The following SBF2 variants were observed in gnomAD, a reference collection of about 807,000 sequenced individuals.
The protein encoded by SBF2 is SET binding factor 2, also known as myotubularin-related protein 13.
A neutral mutation model predicts 225.2 loss-of-function variants in SBF2; 112 were observed. The ratio of observed to expected loss-of-function variants is 0.50; its 90% confidence interval spans 0.43 to 0.58. The LOEUF (loss-of-function observed/expected upper bound fraction) is 0.58, where lower values mean the gene tolerates loss of function less well. SBF2 is among the 20% of genes least tolerant of loss of function. The pLI, the probability that SBF2 is intolerant of heterozygous loss-of-function variation, is 0.00. For synonymous variants in SBF2, 763 were observed against 773.3 expected (o/e 0.99, Z 0.22); for missense variants, 1,996 against 2,206.2 (o/e 0.90, Z 1.91).
intron 6 of SBF2, among the ~76,000 whole-genome samples, chr11:10,026,138 C>G (rs555873205): frequency 6.6e-6 from 1 of 151,402 alleles, no homozygotes; most frequent in African/African-American, 2.4e-5. Flanking sequence ...TGGTCCTTGA[C>G]GCTAAATGCT....
chr11:9,916,933 T>A (rs932595985), intron 16 of SBF2, among the ~76,000 whole-genome samples: 4 of 148,912 alleles, frequency 2.7e-5, no homozygotes, highest in African/African-American at 1.0e-4. Context: ...AGTCAGAAGA[T>A]CAACAGCCTC....
At chr11:9,994,556 A>T (rs888304275) in intron 9 of SBF2, among the ~76,000 whole-genome samples, 2 of 149,374 alleles carry the variant, frequency 1.3e-5, no homozygotes, top group African/African-American at 2.4e-5. Context: ...AAACAAAATA[A>T]ACCCTAAATC....
chr11:10,280,648 ACTT>A (rs1963344048), intron 1 of SBF2, among the ~76,000 whole-genome samples: 2 of 152,222 alleles, frequency 1.3e-5, no homozygotes, highest in Admixed American at 6.5e-5. Flanking sequence ...TGCTGCCTCT[ACTT>A]CTTATTCTTT....
At chr11:10,226,791 C>T (rs1958581694) in intron 1 of SBF2, among the ~76,000 whole-genome samples, 1 of 152,254 alleles carries the variant, frequency 6.6e-6, no homozygotes, top group African/African-American at 2.4e-5. Flanking sequence ...AATAAACATA[C>T]ATGTGCATGT....
chr11:9,871,657 A>C (rs967460190), intron 17 of SBF2, among the ~76,000 whole-genome samples: 1 of 151,824 alleles, frequency 6.6e-6, no homozygotes. Context: ...ATGCTCAGCT[A>C]ATTTATTGTA....
chr11:9,915,674 A>C (rs1169552005), intron 16 of SBF2: 1 of 152,166 alleles, frequency 6.6e-6, no homozygotes, highest in East Asian at 1.9e-4. Flanking sequence ...AATCTGTCAT[A>C]TTTAGAAAGG....
chr11:10,294,579 T>C (rs1964411599), upstream of SBF2, among the ~76,000 whole-genome samples: 2 of 152,226 alleles, frequency 1.3e-5, no homozygotes, highest in Admixed American at 1.3e-4. Context: ...CCACCAAAGA[T>C]GAAATTCTCC....
At chr11:9,788,761 ATTT>A (rs148717661) in intron 35 of SBF2, among the ~76,000 whole-genome samples, 2 of 134,828 alleles carry the variant, frequency 1.5e-5, no homozygotes, top group African/African-American at 5.6e-5. Flanking sequence ...CGCCCGGCTA[ATTT>A]TTTTTTTTTT....
intron 16 of SBF2, among the ~76,000 whole-genome samples, chr11:9,924,497 T>A (rs1267842580): frequency 6.6e-6 from 1 of 152,062 alleles, no homozygotes; most frequent in African/African-American, 2.4e-5. Flanking sequence ...AATGGCGTGA[T>A]CTCCGCTCAC....
At chr11:9,946,464 T>G (rs1865569974) in intron 16 of SBF2, among the ~76,000 whole-genome samples, 1 of 151,816 alleles carries the variant, frequency 6.6e-6, no homozygotes, top group African/African-American at 2.4e-5. Flanking sequence ...TTTTTTTTTT[T>G]TTTGAGATGG....
chr11:10,249,126 T>A (rs1960088813), intron 1 of SBF2, among the ~76,000 whole-genome samples: 1 of 151,746 alleles, frequency 6.6e-6, no homozygotes, highest in Admixed American at 6.6e-5. Context: ...AAATTCTATG[T>A]GTGAAAATAT....
intron 2 of SBF2, among the ~76,000 whole-genome samples, chr11:10,134,062 G>A (rs543528443): frequency 3.9e-5 from 6 of 152,316 alleles, no homozygotes; most frequent in East Asian, 3.9e-4. Flanking sequence ...AAAGAAAGGC[G>A]TTTAATAGAC....
At chr11:10,138,751 C>A (rs1954504052) in intron 2 of SBF2, among the ~76,000 whole-genome samples, 1 of 151,940 alleles carries the variant, frequency 6.6e-6, no homozygotes, top group Admixed American at 6.6e-5. Flanking sequence ...ATTTTCTTTC[C>A]ATTATGGATA....
chr11:10,232,277 T>G (rs2099714496), intron 1 of SBF2, among the ~76,000 whole-genome samples: 1 of 152,264 alleles, frequency 6.6e-6, no homozygotes. Context: ...TGCCTCGTGC[T>G]GCTTCAGCTC....
chr11:10,275,764 T>C (rs1962910831), intron 1 of SBF2, among the ~76,000 whole-genome samples: 4 of 152,020 alleles, frequency 2.6e-5, no homozygotes, highest in Admixed American at 2.6e-4. Context: ...TCAAAATAAA[T>C]ATTTTAACAA....
upstream of SBF2, among the ~76,000 whole-genome samples, chr11:10,295,587 C>CAA (rs397938160): frequency 7.5e-4 from 107 of 142,760 alleles, no homozygotes; most frequent in East Asian, 1.8e-3. Flanking sequence ...ATAATTAAAC[C>CAA]AAAAAAAAAA....
intron 2 of SBF2, among the ~76,000 whole-genome samples, chr11:10,113,446 G>A (rs990740471): frequency 1.3e-5 from 2 of 152,118 alleles, no homozygotes; most frequent in Non-Finnish European, 2.9e-5. Flanking sequence ...TAGCAATTAT[G>A]ATAGTTCAAA....
chr11:10,149,827 T>C (rs753305318), intron 2 of SBF2, among the ~76,000 whole-genome samples: 1 of 152,194 alleles, frequency 6.6e-6, no homozygotes. Flanking sequence ...CAGGGAAAGA[T>C]GGTCTTTCAC....
chr11:10,062,031 G>A (rs1169856155), intron 2 of SBF2, among the ~76,000 whole-genome samples: 1 of 152,096 alleles, frequency 6.6e-6, no homozygotes, highest in African/African-American at 2.4e-5. Flanking sequence ...AGAGAGCCCA[G>A]AAATAAGGCC....
Sources: allele counts gnomAD v4.1 joint callset (sites outside exome capture counted in the v4.1 genomes callset), GRCh38; gene constraint gnomAD v4.1.1; transcripts MANE v1.5; gene names NCBI Gene and HGNC (gene_info 2026-07-23, HGNC 2026-07-21).